The following STK3 variants were observed in gnomAD, a reference collection of about 807,000 sequenced individuals.
STK3 encodes the protein serine/threonine kinase 3.
Under a neutral mutation model 58.0 loss-of-function variants are expected in STK3, and 41 were observed. The ratio of observed to expected loss-of-function variants is 0.71; its 90% CI spans 0.55 to 0.92. The LOEUF is 0.92. Among genes scored for constraint, STK3 ranks in the 40% least tolerant of loss-of-function variants. The probability of loss-of-function intolerance (pLI) is 0.00; values close to 1 mark genes in which losing one functional copy is unlikely to be tolerated. For missense variants in STK3, 479 were observed against 602.7 expected (o/e 0.79, Z 2.15); for synonymous variants, 170 against 191.0 (o/e 0.89, Z 0.91).
At chr8:98,787,239 T>C (rs1178574281) in intron 1 of STK3, among the ~76,000 whole-genome samples, 1 of 57,894 alleles carries the variant, frequency 1.7e-5, no homozygotes, top group East Asian at 4.9e-4. Context: ...ATAGCATAAA[T>C]AAAAAAACTT....
At chr8:98,852,183 GT>G (rs1180439979) in intron 3 of STK3, among the ~76,000 whole-genome samples, 1 of 151,562 alleles carries the variant, frequency 6.6e-6, no homozygotes, top group African/African-American at 2.4e-5. Flanking sequence ...TGTTGCCCAG[GT>G]TGGAGTGCAA....
intron 1 of STK3, among the ~76,000 whole-genome samples, chr8:98,806,222 T>A (rs530567520): frequency 2.6e-3 from 389 of 151,922 alleles, no homozygotes; most frequent in Middle Eastern, 0.01. Context: ...AATAAACAAA[T>A]GAAAACAAAT....
At chr8:98,911,350 C>T (rs1839123690) in intron 1 of STK3, among the ~76,000 whole-genome samples, 1 of 152,028 alleles carries the variant, frequency 6.6e-6, no homozygotes, top group Admixed American at 6.6e-5. Flanking sequence ...CTAATGCAGC[C>T]ACAAGGATGT....
chr8:98,752,202 A>G (rs953646162), intron 3 of STK3, among the ~76,000 whole-genome samples: 6 of 152,190 alleles, frequency 3.9e-5, no homozygotes, highest in African/African-American at 1.4e-4. Flanking sequence ...AAAATACACT[A>G]CAGGGCTACA....
rs62532590 is a variant in STK3 at position 98,792,311 on chromosome 8, G to A, written c.27-17492C>T. ...TAATCAAAAAATAATTGATGTTGTC[G>A]GGGATGGAGTGAACAGGGAACACTT... On this transcript the variant is annotated intron_variant, in intron 1 of 10. Transcript: ENST00000419617. Among the ~76,000 whole-genome samples the A allele has an allele frequency of 1.7e-3, 257 of 152,264 alleles. 1 individual carries two copies. Among genetic ancestry groups the A allele is most frequent in the Non-Finnish European group, 2.2e-3 (149 of 68,036 alleles).
intron 1 of STK3, among the ~76,000 whole-genome samples, chr8:98,933,262 T>A (rs1378867429): frequency 2.0e-5 from 3 of 152,192 alleles, no homozygotes; most frequent in Non-Finnish European, 4.4e-5. Flanking sequence ...AATAACACCC[T>A]AAAAAAGCGA....
At chr8:98,520,087 C>T (rs1159812507) in intron 10 of STK3, among the ~76,000 whole-genome samples, 1 of 152,100 alleles carries the variant, frequency 6.6e-6, no homozygotes, top group Non-Finnish European at 1.5e-5. Context: ...CTATTTAACA[C>T]TAAACAATCT....
At chr8:98,432,373 G>A (rs1283603811) in intron 3 of STK3, 1 of 167,090 alleles carries the variant, frequency 6.0e-6, no homozygotes, top group Admixed American at 6.5e-5. Flanking sequence ...TATGGGCCAG[G>A]CTTTGATATC....
chr8:98,373,608 C>T (rs1586540554), intron 2 of STK3, among the ~76,000 whole-genome samples: 1 of 152,170 alleles, frequency 6.6e-6, no homozygotes, highest in South Asian at 2.1e-4. Context: ...CTGTAATGGA[C>T]CCAGGACTGA....
chr8:98,625,969 A>C (rs890470023), intron 6 of STK3, among the ~76,000 whole-genome samples: 1 of 152,194 alleles, frequency 6.6e-6, no homozygotes, highest in Non-Finnish European at 1.5e-5. Context: ...AAAGTGGTTC[A>C]GAACCATCTA....
At chr8:98,550,558 C>G (rs1811077732) in intron 8 of STK3, among the ~76,000 whole-genome samples, 1 of 152,046 alleles carries the variant, frequency 6.6e-6, no homozygotes, top group Non-Finnish European at 1.5e-5. Context: ...TCTTTCATTC[C>G]CTATATATGC....
At chr8:98,412,899 A>G in intron 3 of STK3, 1 of 258,014 alleles carries the variant, frequency 3.9e-6, no homozygotes, top group South Asian at 4.7e-5. Context: ...CTAAAAGAAG[A>G]TTCACTATCT....
At chr8:98,550,663 G>T (rs1299603745) in intron 8 of STK3, among the ~76,000 whole-genome samples, 1 of 151,928 alleles carries the variant, frequency 6.6e-6, no homozygotes. Flanking sequence ...TACATCATAG[G>T]TGGTTTACTG....
intron 9 of STK3, among the ~76,000 whole-genome samples, chr8:98,546,826 T>A (rs951616130): frequency 1.3e-5 from 2 of 152,168 alleles, no homozygotes; most frequent in African/African-American, 4.8e-5. Flanking sequence ...CCCAGGATTA[T>A]GGCAATATAG....
intron 10 of STK3, among the ~76,000 whole-genome samples, chr8:98,469,647 G>A (rs1036971513): frequency 7.2e-5 from 11 of 152,130 alleles, no homozygotes; most frequent in African/African-American, 2.7e-4. Flanking sequence ...TTTCAGCTCT[G>A]GTTTGAATAA....
chr8:98,490,459 C>A (rs948227484), intron 10 of STK3, among the ~76,000 whole-genome samples: 6 of 152,162 alleles, frequency 3.9e-5, no homozygotes, highest in African/African-American at 1.4e-4. Context: ...CTTTTTTCCA[C>A]CCCTGACTTT....
At chr8:98,867,386 C>T (rs1236487634) in intron 3 of STK3, among the ~76,000 whole-genome samples, 1 of 152,166 alleles carries the variant, frequency 6.6e-6, no homozygotes, top group Non-Finnish European at 1.5e-5. Context: ...TGCGTTCCAG[C>T]CTGGGTGATA....
Position 98,885,203 on chromosome 8 carries a change from C to T in STK3, c.-78-1369G>A, listed in dbSNP as rs1237071366. Among the ~76,000 whole-genome samples, 6 of 152,294 alleles carry T rather than the reference C, an allele frequency of 3.9e-5. No homozygotes were observed. The South Asian group carries it at 1.2e-3, about 32-fold the overall frequency. On this transcript the variant is annotated intron_variant, in intron 1 of 1. Transcript: ENST00000519420. Reference sequence around the variant, plus strand: ...GAGTATAAAATCAATGGGTAATTAACTGAACCAAGACCAGGCCTGCCTCCT... The same window carrying T: ...GAGTATAAAATCAATGGGTAATTAATTGAACCAAGACCAGGCCTGCCTCCT...
intron 1 of STK3, among the ~76,000 whole-genome samples, chr8:98,806,613 AAAC>A (rs1455679567): frequency 1.3e-5 from 2 of 152,164 alleles, no homozygotes; most frequent in Non-Finnish European, 2.9e-5. Context: ...GGAGCCTGTT[AAAC>A]AACCCAGTAT....
Sources: allele counts gnomAD v4.1 joint callset (sites outside exome capture counted in the v4.1 genomes callset), GRCh38; gene constraint gnomAD v4.1.1; transcripts MANE v1.5; gene names NCBI Gene and HGNC (gene_info 2026-07-23, HGNC 2026-07-21).